Variants in CENPP observed in about 807,000 individuals in gnomAD.
The protein encoded by CENPP is centromere protein P.
CENPP carries 24 observed loss-of-function variants against 35.6 expected under a neutral mutation model. That is an observed-to-expected ratio of 0.67 (90% CI 0.49 to 0.95). The LOEUF is 0.95. Ranked by LOEUF, CENPP falls within the 40% of genes least tolerant of loss-of-function variation. The probability of loss-of-function intolerance (pLI) is 0.00; values close to 1 mark genes in which losing one functional copy is unlikely to be tolerated. For synonymous variants in CENPP, 120 were observed against 125.5 expected (o/e 0.96, Z 0.29); for missense variants, 332 against 345.3 (o/e 0.96, Z 0.31).
intron 5 of CENPP, among the ~76,000 whole-genome samples, chr9:92,595,013 C>T (rs1167128950): frequency 6.6e-6 from 1 of 151,180 alleles, no homozygotes; most frequent in African/African-American, 2.4e-5. Context: ...TCTCCTGCCT[C>T]AGCCTCCCGA....
chr9:92,587,738 T>G (rs1588298745), intron 5 of CENPP, among the ~76,000 whole-genome samples: 1 of 152,246 alleles, frequency 6.6e-6, no homozygotes, highest in Admixed American at 6.5e-5. Flanking sequence ...GGAACCACTT[T>G]TATTTTGAAA....
intron 5 of CENPP, among the ~76,000 whole-genome samples, chr9:92,382,892 CTTTTTTT>C (rs1213731251): frequency 7.2e-5 from 5 of 69,812 alleles, no homozygotes; most frequent in African/African-American, 9.8e-5. Flanking sequence ...CACTGTTTTC[CTTTTTTT>C]TTTTTTTTTT....
chr9:92,352,532 T>TATATATATATATATAG (rs1841490651), intron 4 of CENPP, among the ~76,000 whole-genome samples: 1 of 118,556 alleles, frequency 8.4e-6, no homozygotes. Context: ...TATATATATA[T>TATATATATATATATAG]ATATATAATA....
chr9:92,470,652 T>G (rs1438584235), intron 5 of CENPP: 1 of 1,264,638 alleles, frequency 7.9e-7, no homozygotes, highest in African/African-American at 1.5e-5. Context: ...TTTGAAAGTA[T>G]GAGGATATAT....
In CENPP at chr9:92,342,390, A is replaced by G. The variant is rs143235695; in HGVS notation, c.379-3309A>G. On this transcript the variant is annotated intron_variant, in intron 3 of 7. Coordinates refer to ENST00000375587, the MANE Select transcript of CENPP (RefSeq NM_001012267.3). ...AAAAATCTAAGGAGAGGAACTGTAG[A>G]TATCTTCTTTGAAGGACATAGAACC... is the stretch of plus-strand genomic sequence containing the variant. Among the ~76,000 whole-genome samples the G allele has an allele frequency of 8.0e-4, 122 of 152,376 alleles. 1 individual carries two copies. Among genetic ancestry groups the G allele is most frequent in the African/African-American group, 2.8e-3 (115 of 41,592 alleles).
chr9:92,325,764 A>C (rs991516471), upstream of CENPP: 5 of 515,910 alleles, frequency 9.7e-6, no homozygotes, highest in Non-Finnish European at 1.7e-5. Flanking sequence ...AAGTATAGCC[A>C]CTGCTTAGAC....
chr9:92,559,015 G>A (rs971912697), intron 5 of CENPP, among the ~76,000 whole-genome samples: 3 of 152,080 alleles, frequency 2.0e-5, no homozygotes, highest in African/African-American at 7.2e-5. Flanking sequence ...TCCAAGCAGA[G>A]GGCAAGAGGG....
In CENPP at chr9:92,567,379, T is replaced by TATATATATATATATATATATAG. The variant is rs1564005517; in HGVS notation, c.565-43918_565-43917insTATAGATATATATATATATATA. On this transcript the variant is annotated intron_variant, in intron 5 of 7. Coordinates refer to ENST00000375587, the MANE Select transcript of CENPP (RefSeq NM_001012267.3). ...TATACAGTTACATAAGATAGATATA[T>TATATATATATATATATATATAG]ATATATATATATATATAGATATATA... 8.8e-5 allele frequency among the ~76,000 whole-genome samples: 8 copies of TATATATATATATATATATATAG among 90,438 alleles called. No individual in the cohort carries two copies. The South Asian group carries it at 1.2e-3, about 13-fold the overall frequency. The allele number at this position is 90,438 out of a possible 152,430, so 59.3% of individuals were successfully genotyped here. A position where few individuals can be genotyped will look rare whatever the true frequency, so the allele number is the denominator to read the frequency against.
intron 4 of CENPP, among the ~76,000 whole-genome samples, chr9:92,363,337 T>G (rs1394840477): frequency 1.3e-5 from 2 of 152,214 alleles, no homozygotes; most frequent in Non-Finnish European, 2.9e-5. Flanking sequence ...TTTTGATCAG[T>G]GACAGACTGC....
chr9:92,594,239 A>G (rs1247266258), intron 5 of CENPP, among the ~76,000 whole-genome samples: 1 of 152,134 alleles, frequency 6.6e-6, no homozygotes, highest in Admixed American at 6.5e-5. Context: ...CTTCAGCTTT[A>G]TTAGTTTTAG....
chr9:92,597,760 T>A (rs1352811300), intron 5 of CENPP, among the ~76,000 whole-genome samples: 1 of 152,240 alleles, frequency 6.6e-6, no homozygotes, highest in East Asian at 1.9e-4. Flanking sequence ...AGCTTAAAAT[T>A]ACTACATGAT....
At chr9:92,587,866 C>T (rs1247494679) in intron 5 of CENPP, among the ~76,000 whole-genome samples, 3 of 152,212 alleles carry the variant, frequency 2.0e-5, no homozygotes, top group African/African-American at 7.2e-5. Flanking sequence ...TGGCTCACAC[C>T]TATAATCCCA....
At chr9:92,326,279 C>T (rs1297093778) in intron 1 of CENPP, among the ~76,000 whole-genome samples, 174 bp downstream of exon 1, 1 of 152,220 alleles carries the variant, frequency 6.6e-6, no homozygotes, top group African/African-American at 2.4e-5. Context: ...GTACGGCGCC[C>T]AGCTGTAAAC....
chr9:92,618,914 G>C lies in CENPP; in HGVS notation c.*5765G>C. ...AGCACCCCTGAAGATCGGTGATGGAGATGCTGTCTAACGACTATGAGATTA... is the reference window on the plus strand; with the variant it reads ...AGCACCCCTGAAGATCGGTGATGGACATGCTGTCTAACGACTATGAGATTA... On this transcript the variant is annotated 3_prime_UTR_variant, in exon 8 of 8. Coordinates refer to ENST00000375587, the MANE Select transcript of CENPP (RefSeq NM_001012267.3). 6.4e-6 allele frequency: 2 copies of C among 310,678 alleles called. No individual in the cohort carries two copies. The highest frequency in any genetic ancestry group is 5.9e-5 in the South Asian group (2 of 33,836). 19.2% of individuals were successfully genotyped at this position (310,678 alleles called of 1,614,324 possible). A position where few individuals can be genotyped will look rare whatever the true frequency, so the allele number is the denominator to read the frequency against.
chr9:92,609,663 C>T (rs533430773), intron 5 of CENPP, among the ~76,000 whole-genome samples: 16 of 152,368 alleles, frequency 1.1e-4, no homozygotes, highest in African/African-American at 3.8e-4. Context: ...GCGGAGCCTA[C>T]CGTGAAAGTC....
intron 5 of CENPP, among the ~76,000 whole-genome samples, chr9:92,429,182 C>A (rs1363518233): frequency 6.6e-6 from 1 of 152,128 alleles, no homozygotes; most frequent in African/African-American, 2.4e-5. Flanking sequence ...TGTGCATCTT[C>A]TTCTCCATTT....
intron 5 of CENPP, chr9:92,495,179 G>C (rs1366375504): frequency 7.7e-6 from 2 of 259,830 alleles, no homozygotes; most frequent in Non-Finnish European, 1.2e-5. Flanking sequence ...TAAAAAATTA[G>C]AGAAACCTAT....
At chr9:92,577,356 A>T (rs191998380) in intron 5 of CENPP, among the ~76,000 whole-genome samples, 7 of 152,128 alleles carry the variant, frequency 4.6e-5, no homozygotes, top group Non-Finnish European at 8.8e-5. Flanking sequence ...TCTACTAAAA[A>T]TACAAAATAT....
At chr9:92,562,362 G>A (rs1429216549) in intron 5 of CENPP, among the ~76,000 whole-genome samples, 1 of 151,628 alleles carries the variant, frequency 6.6e-6, no homozygotes, top group African/African-American at 2.4e-5. Context: ...CCACCACCAC[G>A]CCCAGCTAAT....
Sources: gnomAD v4.1 joint callset for allele counts (sites outside exome capture counted in the v4.1 genomes callset) on GRCh38, gnomAD v4.1.1 for gene constraint, MANE v1.5 for transcripts, NCBI Gene and HGNC (gene_info 2026-07-23, HGNC 2026-07-21) for gene names.